Variants in SSU72 observed in about 807,000 individuals in gnomAD.
SSU72 encodes SSU72 homolog, RNA polymerase II CTD phosphatase.
Under a neutral mutation model 22.7 loss-of-function variants are expected in SSU72, and 12 were observed. That is an observed-to-expected ratio of 0.53 (90% CI 0.34 to 0.86). SSU72 has a LOEUF of 0.86. Among genes scored for constraint, SSU72 ranks in the 40% least tolerant of loss-of-function variants. The probability of loss-of-function intolerance (pLI) is 0.02; values close to 1 mark genes in which losing one functional copy is unlikely to be tolerated. For synonymous variants in SSU72, 116 were observed against 98.3 expected, an observed-to-expected ratio of 1.18 and a Z score of -1.06; for missense variants, 151 against 249.8, an observed-to-expected ratio of 0.60 and a Z score of 2.67.
At chr1:1,544,490 C>T (rs528433746) in intron 3 of SSU72, 37 of 310,664 alleles carry the variant, frequency 1.2e-4, no homozygotes, top group South Asian at 5.7e-4. Flanking sequence ...TGGTGGCACA[C>T]GCCTGTAGTC....
intron 2 of SSU72, among the ~76,000 whole-genome samples, chr1:1,548,569 A>C (rs1475395155): frequency 6.6e-6 from 1 of 151,386 alleles, no homozygotes; most frequent in East Asian, 2.0e-4. Flanking sequence ...AAAAAAAAAA[A>C]AAAAAAACTC....
At chr1:1,571,938 G>C (rs1255705382) in intron 1 of SSU72, among the ~76,000 whole-genome samples, 1 of 151,478 alleles carries the variant, frequency 6.6e-6, no homozygotes, top group Non-Finnish European at 1.5e-5. Flanking sequence ...GGGACTACAG[G>C]CGCCCGTCAC....
chr1:1,561,365 G>A (rs1642590350), intron 2 of SSU72: 1 of 152,244 alleles, frequency 6.6e-6, no homozygotes, highest in Admixed American at 6.5e-5. Flanking sequence ...TTACAGGCCT[G>A]AGTCACCGCG....
intron 2 of SSU72, among the ~76,000 whole-genome samples, chr1:1,547,731 G>A (rs972544939): frequency 4.6e-5 from 7 of 152,200 alleles, no homozygotes; most frequent in African/African-American, 7.2e-5. Flanking sequence ...TCAGGGCCAC[G>A]GGGAGGCTGA....
At chr1:1,560,849 T>C (rs1013989187) in intron 2 of SSU72, 4 of 152,228 alleles carry the variant, frequency 2.6e-5, no homozygotes, top group Non-Finnish European at 5.9e-5. Context: ...AATTAAGTAT[T>C]TCAATACTAA....
Position 1,542,190 on chromosome 1 carries a change from A to T in SSU72, c.484-23T>A, listed in dbSNP as rs1472647279. 13 of 1,561,268 alleles carry T rather than the reference A, an allele frequency of 8.3e-6. No homozygotes were observed. Among genetic ancestry groups the T allele is most frequent in the Non-Finnish European group, 9.6e-6 (11 of 1,151,736 alleles). On this transcript the variant is annotated intron_variant, in intron 4 of 4. Coordinates refer to ENST00000291386, the MANE Select transcript of SSU72 (RefSeq NM_014188.3). This position sits in a 1 kb window ranked among gnomAD's most constrained non-coding sequence, Gnocchi z 4.4. ...GATCTGCAAGGACAGGACCGTGGTGAGGGCCTTGCCCACTCCTGCCTGTCT... is the reference window on the plus strand; with the variant it reads ...GATCTGCAAGGACAGGACCGTGGTGTGGGCCTTGCCCACTCCTGCCTGTCT...
intron 1 of SSU72, among the ~76,000 whole-genome samples, chr1:1,566,808 C>G (rs1315388484): frequency 6.6e-6 from 1 of 151,378 alleles, no homozygotes; most frequent in African/African-American, 2.4e-5. Context: ...GAGCTGAGAT[C>G]GCGCCACTGC....
chr1:1,556,919 C>T (rs1429476878), intron 2 of SSU72, among the ~76,000 whole-genome samples: 9 of 152,268 alleles, frequency 5.9e-5, no homozygotes, highest in Non-Finnish European at 1.3e-4. Flanking sequence ...AGCCAGTCAG[C>T]TCCGTTCTAC....
At chr1:1,571,124 A>T (rs1377263758) in intron 1 of SSU72, among the ~76,000 whole-genome samples, 1 of 152,024 alleles carries the variant, frequency 6.6e-6, no homozygotes, top group Non-Finnish European at 1.5e-5. Context: ...GGGTGCCTGT[A>T]GTCCCAGTTA....
intron 1 of SSU72, among the ~76,000 whole-genome samples, chr1:1,569,169 G>A (rs750329886): frequency 2.0e-5 from 3 of 150,226 alleles, no homozygotes; most frequent in Non-Finnish European, 2.9e-5. Flanking sequence ...ATGAGACTCC[G>A]TCTCAAAAAA....
At chr1:1,558,811 G>A (rs559224374) in intron 2 of SSU72, among the ~76,000 whole-genome samples, 1 of 152,302 alleles carries the variant, frequency 6.6e-6, no homozygotes, top group Admixed American at 6.5e-5. Context: ...CTGGGCCAGC[G>A]GCTGTTGCCT....
chr1:1,550,145 T>C (rs1570385087), intron 2 of SSU72, among the ~76,000 whole-genome samples: 1 of 134,806 alleles, frequency 7.4e-6, no homozygotes, highest in African/African-American at 2.9e-5. Context: ...ATCACTACAC[T>C]CCAGCCTGAG....
intron 2 of SSU72, 76 bp downstream of exon 2, chr1:1,564,697 C>T (rs1557504394): frequency 1.9e-6 from 3 of 1,614,024 alleles, no homozygotes; most frequent in Non-Finnish European, 2.5e-6. Context: ...GACACGCCTC[C>T]TGTGCCCGAG....
intron 2 of SSU72, chr1:1,562,795 G>A (rs1019766470): frequency 6.6e-6 from 1 of 152,320 alleles, no homozygotes; most frequent in African/African-American, 2.4e-5. Flanking sequence ...CACACAGGGT[G>A]GACAAGGACA....
chr1:1,542,170 G>T lies in SSU72; in HGVS notation c.484-3C>A. On this transcript the variant is annotated splice_region_variant and splice_polypyrimidine_tract_variant and intron_variant, in intron 4 of 4. Coordinates refer to ENST00000291386, the MANE Select transcript of SSU72 (RefSeq NM_014188.3). This position sits in a 1 kb window ranked among gnomAD's most constrained non-coding sequence, Gnocchi z 4.4. Reference sequence around the variant, plus strand: ...TCCATGTCTTCCGTGTGCTGGATCTGCAAGGACAGGACCGTGGTGAGGGCC... The same window carrying T: ...TCCATGTCTTCCGTGTGCTGGATCTTCAAGGACAGGACCGTGGTGAGGGCC... 1 of 1,579,254 alleles carries T rather than the reference G, an allele frequency of 6.3e-7. No individual in the cohort carries two copies. Among genetic ancestry groups the T allele is most frequent in the Non-Finnish European group, 8.6e-7 (1 of 1,162,430 alleles).
At chr1:1,574,181 GCCGC>G (rs1207668465) in intron 1 of SSU72, among the ~76,000 whole-genome samples, 22 of 152,278 alleles carry the variant, frequency 1.4e-4, no homozygotes, top group East Asian at 1.9e-4. Context: ...ATGATCGGCC[GCCGC>G]CGCGCAGCCC....
At chr1:1,570,359 C>T (rs971681199) in intron 1 of SSU72, among the ~76,000 whole-genome samples, 39 of 151,654 alleles carry the variant, frequency 2.6e-4, no homozygotes, top group African/African-American at 9.2e-4. Flanking sequence ...GCTAGAAAAC[C>T]GAGACATGGA....
chr1:1,561,964 G>GTTC (rs892292047), intron 2 of SSU72: 1 of 152,340 alleles, frequency 6.6e-6, no homozygotes, highest in Admixed American at 6.6e-5. Flanking sequence ...CGCACGCGGG[G>GTTC]TTCTTCTGGG....
intron 1 of SSU72, among the ~76,000 whole-genome samples, chr1:1,567,912 CAA>C (rs71574349): frequency 4.4e-4 from 43 of 98,318 alleles, no homozygotes; most frequent in Admixed American, 5.6e-4. Context: ...TACTCTGTTT[CAA>C]AAAAAAAAAA....
Sources: gnomAD v4.1 joint callset for allele counts (sites outside exome capture counted in the v4.1 genomes callset) on GRCh38, gnomAD v4.1.1 for gene constraint, Gnocchi (gnomAD v3.1) non-coding constraint, MANE v1.5 for transcripts, NCBI Gene and HGNC (gene_info 2026-07-23, HGNC 2026-07-21) for gene names.